The following MTCL3 variants were observed in gnomAD, a reference collection of about 807,000 sequenced individuals.
The protein encoded by MTCL3 is MTCL family member 3.
At chr6:127,491,356 A>C in the MTCL3 span, among the ~76,000 whole-genome samples, 1 of 152,324 alleles carries the variant, frequency 6.6e-6, no homozygotes, top group Admixed American at 6.5e-5. Flanking sequence ...AGCCACTCCA[A>C]CTTTTGGCAA....
the MTCL3 span, among the ~76,000 whole-genome samples, chr6:127,511,345 T>C: frequency 6.6e-6 from 1 of 152,248 alleles, no homozygotes. Context: ...TTTTTTTCTA[T>C]AAATGAAAGT....
chr6:127,511,390 T>C, the MTCL3 span, among the ~76,000 whole-genome samples: 1 of 152,240 alleles, frequency 6.6e-6, no homozygotes, highest in African/African-American at 2.4e-5. Flanking sequence ...TACATTATTG[T>C]TGAAGAAATA....
the MTCL3 span, chr6:127,475,171 GC>G: frequency 1.9e-6 from 2 of 1,048,404 alleles, no homozygotes; most frequent in Middle Eastern, 6.4e-4. This position sits in a 1 kb window ranked among gnomAD's most constrained non-coding sequence, Gnocchi z 7.3. Flanking sequence ...CCCCAGCGCG[GC>G]CCTGAGCGGG....
the MTCL3 span, among the ~76,000 whole-genome samples, chr6:127,514,270 T>C: frequency 1.3e-5 from 2 of 152,212 alleles, no homozygotes; most frequent in African/African-American, 4.8e-5. Context: ...GTTATCTGTT[T>C]TTTTTTTCCC....
the MTCL3 span, among the ~76,000 whole-genome samples, chr6:127,497,860 C>T: frequency 5.9e-5 from 9 of 152,014 alleles, no homozygotes; most frequent in East Asian, 5.8e-4. Flanking sequence ...ATAGTCTTTT[C>T]GACAAACGGT....
At chr6:127,473,435 A>T in the MTCL3 span, 1 of 1,385,590 alleles carries the variant, frequency 7.2e-7, no homozygotes, top group Non-Finnish European at 9.6e-7. Context: ...TTAATTAATA[A>T]TAATCTTTAA....
the MTCL3 span, among the ~76,000 whole-genome samples, chr6:127,477,820 C>T: frequency 6.6e-6 from 1 of 152,150 alleles, no homozygotes; most frequent in Non-Finnish European, 1.5e-5. Flanking sequence ...GATGCTATCT[C>T]CCCTTTACCG....
At chr6:127,517,409 A>C in the MTCL3 span, 2 of 152,222 alleles carry the variant, frequency 1.3e-5, no homozygotes, top group Non-Finnish European at 1.5e-5. Flanking sequence ...TTAGCAACCC[A>C]AAAACGTATT....
chr6:127,494,920 G>A, the MTCL3 span, among the ~76,000 whole-genome samples: 1 of 152,088 alleles, frequency 6.6e-6, no homozygotes, highest in African/African-American at 2.4e-5. Context: ...AAAAATCTGA[G>A]AACCTGGTGG....
chr6:127,473,249 A>G, the MTCL3 span: 3 of 1,479,934 alleles, frequency 2.0e-6, no homozygotes, highest in African/African-American at 2.9e-5. Context: ...ACAAACTGAA[A>G]ATACTACAAT....
chr6:127,512,762 T>C, the MTCL3 span: 50 of 760,074 alleles, frequency 6.6e-5, no homozygotes, highest in South Asian at 7.5e-4. Context: ...TATTTTTTAC[T>C]ATTTGGGTAA....
the MTCL3 span, among the ~76,000 whole-genome samples, chr6:127,494,744 T>G: frequency 7.2e-5 from 11 of 152,188 alleles, no homozygotes; most frequent in Non-Finnish European, 1.6e-4. Flanking sequence ...AATAATAAAC[T>G]GATCACAAAG....
the MTCL3 span, among the ~76,000 whole-genome samples, chr6:127,480,805 G>A: frequency 1.2e-4 from 19 of 152,270 alleles, no homozygotes; most frequent in East Asian, 3.3e-3. Flanking sequence ...CATTGGAATC[G>A]TGTTATAATT....
the MTCL3 span, chr6:127,473,262 A>G: frequency 2.0e-6 from 3 of 1,503,668 alleles, no homozygotes; most frequent in African/African-American, 2.9e-5. Flanking sequence ...ACTACAATGA[A>G]TGGTAAATGA....
chr6:127,504,326 C>G, the MTCL3 span, among the ~76,000 whole-genome samples: 7 of 152,112 alleles, frequency 4.6e-5, no homozygotes, highest in African/African-American at 1.7e-4. Context: ...GAGGCTCTTT[C>G]CTATTAGAAA....
chr6:127,507,821 C>T, the MTCL3 span, among the ~76,000 whole-genome samples: 6 of 118,440 alleles, frequency 5.1e-5, no homozygotes, highest in East Asian at 7.3e-4. Context: ...CCAGCCTGGG[C>T]GACAGAGCAA....
the MTCL3 span, among the ~76,000 whole-genome samples, chr6:127,509,217 A>G: frequency 1.1e-3 from 165 of 152,338 alleles, no homozygotes; most frequent in Non-Finnish European, 1.7e-3. Context: ...TTGGTCAAAC[A>G]TCAGCTATTT....
At chr6:127,516,321 G>A in the MTCL3 span, 95 of 1,591,906 alleles carry the variant, frequency 6.0e-5, no homozygotes, top group Middle Eastern at 1.7e-4. Context: ...CCCCACCTCC[G>A]CCTCCTCGGA....
the MTCL3 span, among the ~76,000 whole-genome samples, chr6:127,505,220 C>G: frequency 6.6e-6 from 1 of 152,112 alleles, no homozygotes; most frequent in South Asian, 2.1e-4. Context: ...GTAGCAATGG[C>G]GAGATAACTG....
Sources: allele counts gnomAD v4.1 joint callset (sites outside exome capture counted in the v4.1 genomes callset), GRCh38; gene constraint gnomAD v4.1.1; non-coding constraint Gnocchi (gnomAD v3.1); transcripts MANE v1.5; gene names NCBI Gene and HGNC (gene_info 2026-07-23, HGNC 2026-07-21).